The following BMERB1 variants were observed in gnomAD, a reference collection of about 807,000 sequenced individuals.
The protein encoded by BMERB1 is bMERB domain-containing protein 1.
BMERB1 carries 12 observed loss-of-function variants against 23.6 expected under a neutral mutation model. The observed-to-expected ratio is 0.51, with a 90% confidence interval of 0.33 to 0.82. The LOEUF is 0.82. BMERB1 is among the 40% of genes least tolerant of loss of function. The pLI, the probability that BMERB1 is intolerant of heterozygous loss-of-function variation, is 0.03. For missense variants in BMERB1, 247 were observed against 255.4 expected, an observed-to-expected ratio of 0.97 and a Z score of 0.22; for synonymous variants, 122 against 96.6, an observed-to-expected ratio of 1.26 and a Z score of -1.54.
Position 15,498,759 on chromosome 16 carries a change from A to G in BMERB1, c.107-16546A>G, listed in dbSNP as rs928458341. 3.3e-5 allele frequency among the ~76,000 whole-genome samples: 5 copies of G among 152,258 alleles called. No homozygotes were observed. The South Asian group carries it at 8.3e-4, about 25-fold the overall frequency. ...TCTGAGTCTAAACCCGTGGTTTTCAACAAAGGGTGATTTTGTCCCCCAGGG... is the reference window on the plus strand; with the variant it reads ...TCTGAGTCTAAACCCGTGGTTTTCAGCAAAGGGTGATTTTGTCCCCCAGGG... On this transcript the variant is annotated intron_variant, in intron 1 of 5. Transcript: ENST00000300006.
intron 1 of BMERB1, among the ~76,000 whole-genome samples, chr16:15,483,423 A>C (rs1189586170): frequency 6.6e-6 from 1 of 152,206 alleles, no homozygotes; most frequent in African/African-American, 2.4e-5. Flanking sequence ...TCTGAAGCCC[A>C]GGCTGGAGTG....
intron 1 of BMERB1, among the ~76,000 whole-genome samples, chr16:15,443,245 AC>A (rs1347636538): frequency 4.9e-5 from 6 of 122,902 alleles, no homozygotes. Context: ...AAGACCTGAG[AC>A]CCTGTCTCAA....
At chr16:15,439,925 G>A (rs376191235) in intron 1 of BMERB1, among the ~76,000 whole-genome samples, 1 of 151,988 alleles carries the variant, frequency 6.6e-6, no homozygotes, top group Admixed American at 6.6e-5. Context: ...AGTTGGAGGC[G>A]GGAGAGGGGA....
intron 2 of BMERB1, among the ~76,000 whole-genome samples, chr16:15,529,220 G>A (rs888563330): frequency 6.6e-6 from 1 of 152,024 alleles, no homozygotes; most frequent in Non-Finnish European, 1.5e-5. Context: ...TAGAGACAGG[G>A]TTTCACCGTG....
intron 2 of BMERB1, among the ~76,000 whole-genome samples, chr16:15,530,164 C>T (rs1157997984): frequency 6.6e-6 from 1 of 152,162 alleles, no homozygotes; most frequent in African/African-American, 2.4e-5. Flanking sequence ...TGTCAAATCC[C>T]TCTGTTTTTC....
At chr16:15,561,579 T>G (rs1208880002) in intron 2 of BMERB1, among the ~76,000 whole-genome samples, 1 of 152,026 alleles carries the variant, frequency 6.6e-6, no homozygotes, top group East Asian at 2.0e-4. Flanking sequence ...ATTCTCTGCT[T>G]CTTTCTCACA....
intron 1 of BMERB1, among the ~76,000 whole-genome samples, chr16:15,512,059 A>G (rs1254248001): frequency 1.3e-5 from 2 of 150,870 alleles, no homozygotes. Flanking sequence ...TCTCAGAGAG[A>G]ATGAAGAGAG....
At chr16:15,501,032 AT>A (rs1407417658) in intron 1 of BMERB1, among the ~76,000 whole-genome samples, 1 of 152,176 alleles carries the variant, frequency 6.6e-6, no homozygotes, top group African/African-American at 2.4e-5. Context: ...GATATAAAAC[AT>A]CTCATTCGTA....
At chr16:15,508,828 CAAAAAAAA>C (rs1181215065) in intron 1 of BMERB1, among the ~76,000 whole-genome samples, 1 of 56,070 alleles carries the variant, frequency 1.8e-5, no homozygotes, top group African/African-American at 6.4e-5. Context: ...CCTGCCCCAC[CAAAAAAAA>C]AAAAAAAAAA....
chr16:15,471,088 C>T (rs1282178630), intron 1 of BMERB1, among the ~76,000 whole-genome samples: 4 of 150,862 alleles, frequency 2.7e-5, no homozygotes, highest in African/African-American at 9.8e-5. Flanking sequence ...CCTCCTGCCT[C>T]GGCCTCCCAA....
intron 1 of BMERB1, among the ~76,000 whole-genome samples, chr16:15,474,344 CCTT>C (rs1311895090): frequency 3.3e-5 from 5 of 152,000 alleles, no homozygotes; most frequent in Non-Finnish European, 7.4e-5. Flanking sequence ...TTTCTTTTCT[CCTT>C]CTAGGAATAC....
intron 1 of BMERB1, among the ~76,000 whole-genome samples, chr16:15,465,350 TA>T (rs1291916415): frequency 5.7e-5 from 6 of 105,542 alleles, no homozygotes; most frequent in African/African-American, 1.9e-4. Context: ...TGCTAAGATA[TA>T]TATTTTTTTT....
chr16:15,585,875 G>A (rs72770189), intron 5 of BMERB1, among the ~76,000 whole-genome samples: 13,696 of 152,090 alleles, frequency 0.09, 807 homozygotes, highest in Non-Finnish European at 0.13. Context: ...GAATCACCAT[G>A]AGGAGAATCA....
intron 2 of BMERB1, among the ~76,000 whole-genome samples, chr16:15,524,967 C>A (rs570249552): frequency 6.6e-6 from 1 of 152,104 alleles, no homozygotes; most frequent in Non-Finnish European, 1.5e-5. Flanking sequence ...GGGAGATTAC[C>A]ATGTAAGACC....
At chr16:15,526,861 G>C (rs1014773322) in intron 2 of BMERB1, among the ~76,000 whole-genome samples, 1 of 148,508 alleles carries the variant, frequency 6.7e-6, no homozygotes, top group Non-Finnish European at 1.5e-5. Flanking sequence ...TAGGATGTTG[G>C]GAAAATAACT....
intron 1 of BMERB1, among the ~76,000 whole-genome samples, chr16:15,512,788 A>T (rs983830239): frequency 2.0e-5 from 3 of 152,024 alleles, no homozygotes. Context: ...CTGAGGCAGG[A>T]GAACTGCTTG....
intron 1 of BMERB1, among the ~76,000 whole-genome samples, chr16:15,453,005 A>G (rs2051054940): frequency 1.3e-5 from 2 of 152,092 alleles, no homozygotes; most frequent in Non-Finnish European, 2.9e-5. Context: ...AATAAAAATA[A>G]CAACAACAAC....
chr16:15,499,500 C>T (rs1190117428), intron 1 of BMERB1, among the ~76,000 whole-genome samples: 1 of 152,136 alleles, frequency 6.6e-6, no homozygotes, highest in African/African-American at 2.4e-5. Context: ...AGATCTTGGA[C>T]TTCTATGAGG....
At chr16:15,505,318 C>T (rs2051576109) in intron 1 of BMERB1, among the ~76,000 whole-genome samples, 3 of 152,186 alleles carry the variant, frequency 2.0e-5, no homozygotes, top group East Asian at 3.8e-4. Context: ...CATTTTCTCC[C>T]CAATTATCAA....
Sources: gnomAD v4.1 joint callset for allele counts (sites outside exome capture counted in the v4.1 genomes callset) on GRCh38, gnomAD v4.1.1 for gene constraint, MANE v1.5 for transcripts, NCBI Gene and HGNC (gene_info 2026-07-23, HGNC 2026-07-21) for gene names.